DOCK4: variants seen among roughly 807,000 people sequenced by gnomAD.
The protein encoded by DOCK4 is dedicator of cytokinesis protein 4.
A neutral mutation model predicts 268.1 loss-of-function variants in DOCK4; 97 were observed. That is an observed-to-expected ratio of 0.36 (90% CI 0.31 to 0.43). The LOEUF (loss-of-function observed/expected upper bound fraction) is 0.43. Among genes scored for constraint, DOCK4 ranks in the 20% least tolerant of loss-of-function variants. The pLI is 1.00. For missense variants in DOCK4, 2,145 were observed against 2,455.7 expected (o/e 0.87, Z 2.67); for synonymous variants, 954 against 887.2 (o/e 1.08, Z -1.34).
At chr7:111,728,912 G>A (rs531547416) in intron 52 of DOCK4, among the ~76,000 whole-genome samples, 192 bp from the exon 53 acceptor site, 1 of 152,244 alleles carries the variant, frequency 6.6e-6, no homozygotes, top group East Asian at 1.9e-4. Context: ...CAAGCTGACT[G>A]GTGTCCTTAT....
At chr7:112,103,886 AAAG>A (rs1173750686) in intron 1 of DOCK4, among the ~76,000 whole-genome samples, 2 of 152,170 alleles carry the variant, frequency 1.3e-5, no homozygotes, top group African/African-American at 4.8e-5. Context: ...TGTCTCAATA[AAAG>A]AAGAAAAAAA....
intron 15 of DOCK4, among the ~76,000 whole-genome samples, chr7:111,896,487 G>GTT (rs79817951): frequency 3.6e-5 from 5 of 138,530 alleles, no homozygotes; most frequent in Admixed American, 7.3e-5. Flanking sequence ...TTCCACCAAG[G>GTT]TTTTTTTTTT....
chr7:111,860,094 C>T (rs191194130), intron 23 of DOCK4, among the ~76,000 whole-genome samples: 26 of 152,318 alleles, frequency 1.7e-4, no homozygotes, highest in African/African-American at 6.3e-4. Flanking sequence ...CAAGATATCA[C>T]GTCCTGTTCT....
intron 52 of DOCK4, among the ~76,000 whole-genome samples, chr7:111,731,621 C>A (rs1795088963): frequency 6.6e-6 from 1 of 152,168 alleles, no homozygotes; most frequent in Non-Finnish European, 1.5e-5. Context: ...TGTCTACAAA[C>A]CAATTCGAAT....
intron 12 of DOCK4, among the ~76,000 whole-genome samples, chr7:111,920,541 C>T (rs1793016431): frequency 6.6e-6 from 1 of 152,060 alleles, no homozygotes; most frequent in African/African-American, 2.4e-5. Flanking sequence ...TTTTTCTTTC[C>T]GTTTTCTTTC....
At chr7:112,103,638 T>TC (rs1319118489) in intron 1 of DOCK4, among the ~76,000 whole-genome samples, 1 of 152,116 alleles carries the variant, frequency 6.6e-6, no homozygotes, top group African/African-American at 2.4e-5. Context: ...TCCCAGCACT[T>TC]TGGGAGGCCG....
At chr7:112,009,784 A>AAAGG (rs1162403311) in intron 1 of DOCK4, among the ~76,000 whole-genome samples, 2 of 152,130 alleles carry the variant, frequency 1.3e-5, no homozygotes, top group Admixed American at 1.3e-4. Context: ...GAGAAAAAGG[A>AAAGG]AAGGGATTAA....
chr7:112,154,638 G>A (rs1418075053), intron 1 of DOCK4, among the ~76,000 whole-genome samples: 1 of 152,158 alleles, frequency 6.6e-6, no homozygotes, highest in Non-Finnish European at 1.5e-5. Context: ...TACTAAAACA[G>A]ACACTGATAT....
At chr7:111,929,582 A>C (rs952933694) in intron 12 of DOCK4, among the ~76,000 whole-genome samples, 8 of 152,214 alleles carry the variant, frequency 5.3e-5, no homozygotes, top group African/African-American at 1.9e-4. Context: ...GTAACACTGA[A>C]TAAAATGACT....
At chr7:111,953,102 C>CTG (rs1460844205) in intron 8 of DOCK4, among the ~76,000 whole-genome samples, 1 of 151,778 alleles carries the variant, frequency 6.6e-6, no homozygotes, top group Non-Finnish European at 1.5e-5. Context: ...TGGTGCATGC[C>CTG]TGTGATCCCA....
intron 27 of DOCK4, among the ~76,000 whole-genome samples, chr7:111,816,141 T>G (rs2133936149): frequency 6.6e-6 from 1 of 152,306 alleles, no homozygotes; most frequent in South Asian, 2.1e-4. Context: ...TTTCTCCCTC[T>G]CACTCTCATC....
intron 1 of DOCK4, among the ~76,000 whole-genome samples, chr7:112,099,919 GATTT>G (rs758405334): frequency 3.9e-5 from 6 of 152,004 alleles, no homozygotes; most frequent in East Asian, 1.9e-4. Context: ...GTTTTTTGTA[GATTT>G]ATTACACAAA....
At chr7:111,783,994 T>C in intron 33 of DOCK4, 42 bp from the exon 34 acceptor site, 1 of 1,571,528 alleles carries the variant, frequency 6.4e-7, no homozygotes, top group Non-Finnish European at 8.6e-7. Flanking sequence ...CATTTATTTT[T>C]ATCAGTCACC....
intron 12 of DOCK4, among the ~76,000 whole-genome samples, chr7:111,935,110 CTAA>C (rs981624701): frequency 1.2e-4 from 18 of 151,992 alleles, no homozygotes; most frequent in Non-Finnish European, 2.4e-4. Flanking sequence ...CCATGCCCAG[CTAA>C]TATTTTGTAT....
chr7:112,061,614 A>G (rs1222608052), intron 1 of DOCK4, among the ~76,000 whole-genome samples: 1 of 152,134 alleles, frequency 6.6e-6, no homozygotes. Flanking sequence ...TGGCCACATT[A>G]TAAAAAAAAA....
At position 111,726,953 on chromosome 7, in the gene DOCK4, A is replaced by T. The variant is rs1008501847; in HGVS notation, c.*1321T>A. ...TCCAGGTAAGCTACCAACAAAACAA[A>T]CATGGTTAAACTAAAATGAGCTTCC... is the stretch of plus-strand genomic sequence containing the variant. On this transcript the variant is annotated 3_prime_UTR_variant, in exon 53 of 53. Transcript: ENST00000428084. The T allele has an allele frequency of 3.3e-5, 5 of 152,640 alleles. No individual in the cohort carries two copies. Among genetic ancestry groups the T allele is most frequent in the Admixed American group, 3.3e-4 (5 of 15,282 alleles). The allele number at this position is 152,640 out of a possible 1,614,324, so 9.5% of individuals were successfully genotyped here. A position where few individuals can be genotyped will look rare whatever the true frequency, so the allele number is the denominator to read the frequency against.
chr7:111,811,882 C>A lies in DOCK4; in HGVS notation c.2998G>T (p.Asp1000Tyr). 1.3e-6 allele frequency: 2 copies of A among 1,511,760 alleles called. No individual in the cohort carries two copies. The highest frequency in any genetic ancestry group is 2.4e-5 in the South Asian group (2 of 82,882). The allele number at this position is 1,511,760 out of a possible 1,614,324, so 93.6% of individuals were successfully genotyped here. A position where few individuals can be genotyped will look rare whatever the true frequency, so the allele number is the denominator to read the frequency against. Reference sequence around the variant, plus strand: ...TATAAATGAATGCTTACCTTATAATCAAAGTTTTCATTTAAGAAGTTCTTA... The same window carrying A: ...TATAAATGAATGCTTACCTTATAATAAAAGTTTTCATTTAAGAAGTTCTTA... ...LRKNFLNENF[D>Y]YKIWDSYFYL... Residue 1000 changes from aspartate to tyrosine, a missense_variant, in exon 28 of 53, where the codon GAT (aspartate) becomes TAT (tyrosine). By Grantham distance (160) the Asp-to-Tyr change is radical (BLOSUM62 -3). Transcript: ENST00000428084.
At chr7:111,927,713 C>G (rs1793840656) in intron 12 of DOCK4, among the ~76,000 whole-genome samples, 1 of 152,070 alleles carries the variant, frequency 6.6e-6, no homozygotes, top group Admixed American at 6.6e-5. Context: ...CAAAGGAATC[C>G]ATGGGCTGCA....
chr7:111,741,870 A>T (rs1485783057), intron 45 of DOCK4, 143 bp downstream of exon 45: 2 of 1,300,758 alleles, frequency 1.5e-6, no homozygotes, highest in South Asian at 3.2e-5. Flanking sequence ...CAGACAAGGC[A>T]ATTGTATTTG....
Sources: gnomAD v4.1 joint callset for allele counts (sites outside exome capture counted in the v4.1 genomes callset) on GRCh38, gnomAD v4.1.1 for gene constraint, MANE v1.5 for transcripts, NCBI Gene and HGNC (gene_info 2026-07-23, HGNC 2026-07-21) for gene names.